The following USH2A variants were observed in gnomAD, a reference collection of about 807,000 sequenced individuals.
The protein encoded by USH2A is Usher syndrome 2A (autosomal recessive, mild).
USH2A carries 443 observed loss-of-function variants against 538.9 expected under a neutral mutation model. The ratio of observed to expected loss-of-function variants is 0.82; its 90% CI spans 0.76 to 0.89. The LOEUF is 0.89. Ranked by LOEUF, USH2A falls within the 40% of genes least tolerant of loss-of-function variation. USH2A has a pLI of 0.00. For synonymous variants in USH2A, 2,413 were observed against 2,273.5 expected, an observed-to-expected ratio of 1.06 and a Z score of -1.75; for missense variants, 6,633 against 6,324.8, an observed-to-expected ratio of 1.05 and a Z score of -1.65.
chr1:216,010,673 A>G (rs1403519255), intron 32 of USH2A, among the ~76,000 whole-genome samples: 2 of 151,652 alleles, frequency 1.3e-5, no homozygotes, highest in African/African-American at 4.9e-5. Context: ...TAAACCTCTT[A>G]AAACTCTCCA....
chr1:216,322,747 T>C (rs890721276), intron 8 of USH2A, among the ~76,000 whole-genome samples: 1 of 152,198 alleles, frequency 6.6e-6, no homozygotes, highest in African/African-American at 2.4e-5. Flanking sequence ...CATTATGCTA[T>C]GACTTAGCAA....
At chr1:215,856,831 T>TGG (rs1485992108) in intron 44 of USH2A, among the ~76,000 whole-genome samples, 5 of 121,730 alleles carry the variant, frequency 4.1e-5, no homozygotes, top group African/African-American at 6.7e-5. Context: ...TAAAAAAATT[T>TGG]GGTGTGTGTG....
chr1:215,759,412 T>C (rs576177913), intron 57 of USH2A, among the ~76,000 whole-genome samples: 9 of 152,250 alleles, frequency 5.9e-5, no homozygotes, highest in African/African-American at 2.2e-4. Context: ...TAATACTTCA[T>C]GTATTTTGTA....
In USH2A at chr1:215,675,501, C is replaced by G; in HGVS notation, c.12410G>C (p.Arg4137Thr). Residue 4137 changes from arginine to threonine, a missense_variant, in exon 63 of 72, where the codon AGA becomes ACA. Transcript: ENST00000307340. ...LYTLTLEACT[R>T]AGCAHSAPQP... ...AGGCGCCGAGTGTGCACAACCTGCT[C>G]TGGTGCAGGCCTCCAGGGTCAGTGT... is the stretch of plus-strand genomic sequence containing the variant. The G allele has an allele frequency of 6.2e-7, 1 of 1,614,094 alleles. No homozygotes were observed.
Position 215,878,784 on chromosome 1 carries a change from C to T in USH2A, c.8538G>A (p.Lys2846=), listed in dbSNP as rs2102451576. ...CTTACCTCAAATTAGGTCCATTTGG[C>T]TTGGATGGTGGTTGCCAAGAAATCA... ...YVVISWQPPS[K]PNGPNLRYEL... The change falls in exon 42 of 72, where the codon AAG becomes AAA. Residue 2846 remains lysine (K), a synonymous_variant. Coordinates refer to ENST00000307340, the MANE Select transcript of USH2A (RefSeq NM_206933.4). 2.5e-6 allele frequency: 4 copies of T among 1,613,982 alleles called. No homozygotes were observed. Among genetic ancestry groups the T allele is most frequent in the Non-Finnish European group, 3.4e-6 (4 of 1,179,926 alleles).
intron 38 of USH2A, among the ~76,000 whole-genome samples, chr1:215,902,443 A>G (rs1023293136): frequency 6.6e-6 from 1 of 152,312 alleles, no homozygotes; most frequent in South Asian, 2.1e-4. Context: ...TGTGCTAAGC[A>G]GTACTCTTCA....
At chr1:215,737,117 T>C (rs368951055) in intron 60 of USH2A, among the ~76,000 whole-genome samples, 1 of 152,032 alleles carries the variant, frequency 6.6e-6, no homozygotes, top group Non-Finnish European at 1.5e-5. Context: ...TAACAGAATA[T>C]TGATGAGTCA....
intron 15 of USH2A, among the ~76,000 whole-genome samples, chr1:216,210,223 G>A: frequency 6.6e-6 from 1 of 150,900 alleles, no homozygotes; most frequent in East Asian, 1.9e-4. Context: ...AAAAGAATGA[G>A]GGTCGTGATC....
chr1:216,195,066 C>CT (rs2034808310), intron 19 of USH2A, among the ~76,000 whole-genome samples: 1 of 152,124 alleles, frequency 6.6e-6, no homozygotes, highest in Non-Finnish European at 1.5e-5. Context: ...CTAAATGGCC[C>CT]TAGCATGCTT....
intron 60 of USH2A, among the ~76,000 whole-genome samples, chr1:215,728,941 G>A (rs967770916): frequency 6.6e-6 from 1 of 152,118 alleles, no homozygotes; most frequent in Non-Finnish European, 1.5e-5. Context: ...TATGGAATTA[G>A]TAGAAGCTAT....
chr1:216,025,910 T>C (rs561059944), intron 32 of USH2A, among the ~76,000 whole-genome samples: 1 of 152,200 alleles, frequency 6.6e-6, no homozygotes, highest in African/African-American at 2.4e-5. Context: ...ATGAAATAGA[T>C]ATTCAAAAAT....
chr1:215,798,875 C>T lies in USH2A; in HGVS notation c.9958+32G>A, dbSNP rs181183374. ...CACTCTCTCTGCTTCTCAGATCCTC[C>T]ATCTACTGAAAGGTAGACCTGGGCC... On this transcript the variant is annotated intron_variant, in intron 50 of 71. Coordinates refer to ENST00000307340, the MANE Select transcript of USH2A (RefSeq NM_206933.4). 427 of 1,611,234 alleles carry T rather than the reference C, an allele frequency of 2.7e-4. 3 individuals carry two copies. Among genetic ancestry groups the T allele is most frequent in the Middle Eastern group, 2.0e-3 (12 of 6,054 alleles).
chr1:215,721,425 C>T (rs964673881), intron 61 of USH2A, among the ~76,000 whole-genome samples: 1 of 152,092 alleles, frequency 6.6e-6, no homozygotes, highest in Non-Finnish European at 1.5e-5. Flanking sequence ...TCACCAGTTG[C>T]GTTGATCCTT....
rs759738544 is a variant in USH2A at position 215,900,112 on chromosome 1, T to C, written c.7557A>G (p.Ala2519=). Residue 2519 remains alanine, a synonymous_variant, in exon 40 of 72, where the codon GCA becomes GCG. Transcript: ENST00000307340. ...RLVASNGFGS[A]HSSWIPFMTA... ...TCATGAATGGAATCCAAGAACTATG[T>C]GCACTGCCAAATCCATTGGAGGCAA... is the stretch of plus-strand genomic sequence containing the variant. 1.3e-4 allele frequency: 215 copies of C among 1,613,636 alleles called. No individual in the cohort carries two copies. The highest frequency in any genetic ancestry group is 1.8e-4 in the Non-Finnish European group (211 of 1,179,790).
In USH2A at chr1:215,759,743, T is replaced by C. The variant is rs747110792; in HGVS notation, c.11148A>G (p.Gln3716=). 7 of 1,613,970 alleles carry C rather than the reference T, an allele frequency of 4.3e-6. No homozygotes were observed. The highest frequency in any genetic ancestry group is 4.0e-5 in the African/African-American group (3 of 74,920). Residue 3716 remains glutamine (Q), a synonymous_variant, in exon 57 of 72, where the codon CAA becomes CAG. Coordinates refer to ENST00000307340, the MANE Select transcript of USH2A (RefSeq NM_206933.4). ...EKPNGLVSQY[Q]LSRNGNLLFL... ...AAAGCAAGTTTCCATTACGACTCAA[T>C]TGATATTGAGAAACGAGGCCATTGG... is the stretch of plus-strand genomic sequence containing the variant.
chr1:216,063,353 A>T (rs902538567), intron 30 of USH2A, among the ~76,000 whole-genome samples: 2 of 152,174 alleles, frequency 1.3e-5, no homozygotes, highest in East Asian at 1.9e-4. Flanking sequence ...TAATTATCCA[A>T]GCTGGCTTTG....
intron 4 of USH2A, among the ~76,000 whole-genome samples, chr1:216,346,885 T>C (rs1418889381): frequency 1.3e-5 from 2 of 152,062 alleles, no homozygotes; most frequent in African/African-American, 2.4e-5. Flanking sequence ...GCTGCATATG[T>C]GATATAAAAG....
At chr1:215,914,321 G>A (rs1459804118) in intron 38 of USH2A, among the ~76,000 whole-genome samples, 1 of 151,798 alleles carries the variant, frequency 6.6e-6, no homozygotes, top group Non-Finnish European at 1.5e-5. Flanking sequence ...GTTTTTCCAA[G>A]AAGTTTTCAT....
chr1:215,645,559 G>T (rs1398851013), intron 67 of USH2A, among the ~76,000 whole-genome samples: 1 of 152,160 alleles, frequency 6.6e-6, no homozygotes, highest in African/African-American at 2.4e-5. Flanking sequence ...TTTGTAAAAT[G>T]CTAAAATACT....
Sources: gnomAD v4.1 joint callset for allele counts (sites outside exome capture counted in the v4.1 genomes callset) on GRCh38, gnomAD v4.1.1 for gene constraint, MANE v1.5 for transcripts, NCBI Gene and HGNC (gene_info 2026-07-23, HGNC 2026-07-21) for gene names.